The following MTRF1 variants were observed in gnomAD, a reference collection of about 807,000 sequenced individuals.
MTRF1 encodes the protein mitochondrial translation release factor 1.
A neutral mutation model predicts 62.9 loss-of-function variants in MTRF1; 51 were observed. The observed-to-expected ratio is 0.81, with a 90% confidence interval of 0.65 to 1.02. MTRF1 has a LOEUF of 1.02. MTRF1 is among the 50% of genes least tolerant of loss of function. The pLI is 0.00. For synonymous variants in MTRF1, 158 were observed against 181.9 expected (o/e 0.87, Z 1.06); for missense variants, 446 against 530.0 (o/e 0.84, Z 1.56).
chr13:41,278,517 G>T, the MTRF1 span, among the ~76,000 whole-genome samples: 1 of 152,192 alleles, frequency 6.6e-6, no homozygotes, highest in African/African-American at 2.4e-5. Flanking sequence ...CTATGCAGAG[G>T]TTATTTCCTG....
rs150665100 is a variant in MTRF1 at position 41,255,721 on chromosome 13, C to T, written c.416-1101G>A. 2.2e-4 allele frequency among the ~76,000 whole-genome samples: 33 copies of T among 152,172 alleles called. No homozygotes were observed. The East Asian group carries it at 6.4e-3, about 29-fold the overall frequency. ...AAAATAAAATACATATCACGTGTGT[C>T]AGACAAAACATACATTTTTGTAACC... On this transcript the variant is annotated intron_variant, in intron 2 of 9. Transcript: ENST00000379480.
the MTRF1 span, among the ~76,000 whole-genome samples, chr13:41,270,071 T>C: frequency 5.9e-5 from 9 of 152,260 alleles, no homozygotes; most frequent in Admixed American, 3.3e-4. Flanking sequence ...ATCAATGTCT[T>C]GTTTATTAAA....
At chr13:41,276,226 A>G in the MTRF1 span, among the ~76,000 whole-genome samples, 1 of 151,790 alleles carries the variant, frequency 6.6e-6, no homozygotes, top group African/African-American at 2.4e-5. Flanking sequence ...GCTGGAGTGC[A>G]ATGGCATTGA....
At chr13:41,263,460 A>T (rs1594094880) in intron 1 of MTRF1, 25 bp downstream of exon 1, 1 of 356,476 alleles carries the variant, frequency 2.8e-6, no homozygotes, top group African/African-American at 2.1e-5. Flanking sequence ...GGCGGCGGGG[A>T]AGATCAGGAA....
the MTRF1 span, among the ~76,000 whole-genome samples, chr13:41,274,937 G>C: frequency 6.6e-6 from 1 of 151,910 alleles, no homozygotes; most frequent in African/African-American, 2.4e-5. Context: ...TATCACTCTA[G>C]TGTACCGACT....
intron 7 of MTRF1, among the ~76,000 whole-genome samples, chr13:41,228,903 T>C (rs536123444): frequency 3.9e-5 from 6 of 152,312 alleles, no homozygotes; most frequent in South Asian, 2.1e-4. Flanking sequence ...TCTAAGGTCT[T>C]AGTATGGAAG....
intron 2 of MTRF1, among the ~76,000 whole-genome samples, chr13:41,256,528 T>C (rs1011266127): frequency 5.3e-5 from 8 of 152,104 alleles, no homozygotes; most frequent in South Asian, 4.1e-4. Flanking sequence ...GGTTTCACCA[T>C]GTTGGCAGGC....
chr13:41,244,848 C>G (rs2139010333), intron 5 of MTRF1, among the ~76,000 whole-genome samples: 1 of 152,194 alleles, frequency 6.6e-6, no homozygotes, highest in East Asian at 1.9e-4. Flanking sequence ...ACACCCTGTG[C>G]CACTCAAAAA....
chr13:41,228,611 C>A (rs2034922214), intron 7 of MTRF1, among the ~76,000 whole-genome samples: 1 of 146,940 alleles, frequency 6.8e-6, no homozygotes, highest in African/African-American at 2.5e-5. Flanking sequence ...CAGAGGCCAT[C>A]TTTTACTCAC....
chr13:41,305,317 C>G, the MTRF1 span, among the ~76,000 whole-genome samples: 1 of 152,274 alleles, frequency 6.6e-6, no homozygotes, highest in African/African-American at 2.4e-5. Context: ...CTTGGCCTCC[C>G]AAAGAGTTGG....
At chr13:41,261,825 C>T in intron 1 of MTRF1, 1 of 983,782 alleles carries the variant, frequency 1.0e-6, no homozygotes, top group Non-Finnish European at 1.2e-6. Flanking sequence ...TAGCTGAGAT[C>T]CTAAAGGAAG....
At chr13:41,217,963 G>A (rs2032246463) in intron 9 of MTRF1, among the ~76,000 whole-genome samples, 1 of 152,234 alleles carries the variant, frequency 6.6e-6, no homozygotes, top group Non-Finnish European at 1.5e-5. Context: ...ATTTAGGGGT[G>A]AAGTGTCTTT....
chr13:41,298,182 T>C, the MTRF1 span, among the ~76,000 whole-genome samples: 1 of 152,222 alleles, frequency 6.6e-6, no homozygotes, highest in Non-Finnish European at 1.5e-5. Context: ...CATGATCTTT[T>C]TTGCTTTTCC....
At chr13:41,294,187 A>C in the MTRF1 span, among the ~76,000 whole-genome samples, 2 of 152,120 alleles carry the variant, frequency 1.3e-5, no homozygotes, top group Non-Finnish European at 2.9e-5. Flanking sequence ...TGGGAGGCCA[A>C]GGCAGGCAGA....
chr13:41,218,281 ATTTT>A (rs199717534), intron 9 of MTRF1, among the ~76,000 whole-genome samples: 1,384 of 116,980 alleles, frequency 0.012, 5 homozygotes, highest in African/African-American at 0.042. Context: ...CACCCAGCTA[ATTTT>A]TTTTTTTTTT....
the MTRF1 span, among the ~76,000 whole-genome samples, chr13:41,300,390 T>G: frequency 6.6e-6 from 1 of 151,910 alleles, no homozygotes. Flanking sequence ...ATCGAGACCA[T>G]CCTGGCCAAC....
In MTRF1 at chr13:41,217,214, A is replaced by G; in HGVS notation, c.1239T>C (p.Gly413=). 1.2e-6 allele frequency: 2 copies of G among 1,602,600 alleles called. No homozygotes were observed. The highest frequency in any genetic ancestry group is 8.5e-7 in the Non-Finnish European group (1 of 1,174,002). Residue 413 remains glycine (G), a synonymous_variant, in exon 10 of 10, where the codon GGT becomes GGC. Transcript: ENST00000379480. ...GAATTAGCTGATCCAGGCCCTTCCC[A>G]CCACATAAAAATTCCTGGTAAAAGA... ...EVRDIKEFLC[G]GKGLDQLIQR...
chr13:41,246,872 GCTAT>G (rs1046741483), intron 5 of MTRF1, among the ~76,000 whole-genome samples: 6 of 152,226 alleles, frequency 3.9e-5, no homozygotes, highest in East Asian at 3.8e-4. Context: ...CCAGTCTTAG[GCTAT>G]CTGAGTTCAA....
the MTRF1 span, among the ~76,000 whole-genome samples, chr13:41,277,129 CTTT>C: frequency 1.4e-5 from 2 of 142,030 alleles, no homozygotes; most frequent in Non-Finnish European, 1.5e-5. Context: ...ATCAATTAAA[CTTT>C]TTTTTTTTTT....
Sources: gnomAD v4.1 joint callset for allele counts (sites outside exome capture counted in the v4.1 genomes callset) on GRCh38, gnomAD v4.1.1 for gene constraint, MANE v1.5 for transcripts, NCBI Gene and HGNC (gene_info 2026-07-23, HGNC 2026-07-21) for gene names.